Variants in CXCL13 observed in about 807,000 individuals in gnomAD.
The protein encoded by CXCL13 is C-X-C motif chemokine ligand 13.
In CXCL13, 7 loss-of-function variants were observed where a neutral mutation model predicts 12.2. The ratio of observed to expected loss-of-function variants is 0.57; its 90% CI spans 0.33 to 1.07. The LOEUF (loss-of-function observed/expected upper bound fraction) is 1.07, where lower values mean the gene tolerates loss of function less well. Among genes scored for constraint, CXCL13 ranks in the 50% least tolerant of loss-of-function variants. CXCL13 has a pLI of 0.04. For synonymous variants in CXCL13, 47 were observed against 42.4 expected (o/e 1.11, Z -0.42); for missense variants, 113 against 127.4 (o/e 0.89, Z 0.55).
intron 1 of CXCL13, among the ~76,000 whole-genome samples, chr4:77,547,998 G>A (rs1253232899): frequency 2.0e-5 from 3 of 152,034 alleles, no homozygotes; most frequent in Admixed American, 6.6e-5. Context: ...ATGAAGCTTA[G>A]TTTGGCTGGA....
chr4:77,593,325 A>T (rs1726663064), intron 1 of CXCL13, among the ~76,000 whole-genome samples: 1 of 152,246 alleles, frequency 6.6e-6, no homozygotes, highest in African/African-American at 2.4e-5. Context: ...CTTCCAATTT[A>T]TGGTAAGAAG....
chr4:77,529,371 G>A (rs773902459), intron 1 of CXCL13, among the ~76,000 whole-genome samples: 13 of 152,320 alleles, frequency 8.5e-5, no homozygotes, highest in Admixed American at 5.2e-4. Flanking sequence ...ACCTTGGGCA[G>A]AATGGCCATT....
intron 1 of CXCL13, among the ~76,000 whole-genome samples, chr4:77,554,212 G>C (rs1423468564): frequency 6.6e-6 from 1 of 151,928 alleles, no homozygotes; most frequent in African/African-American, 2.4e-5. Flanking sequence ...CAATGCATGA[G>C]TAGTGAGATT....
At chr4:77,538,447 G>A (rs1409034208) in intron 1 of CXCL13, among the ~76,000 whole-genome samples, 2 of 140,740 alleles carry the variant, frequency 1.4e-5, no homozygotes, top group Non-Finnish European at 3.0e-5. Flanking sequence ...TTTTCCTACA[G>A]CTGTGGACTC....
rs562432934 is a variant in CXCL13 at position 77,608,270 on chromosome 4, G to A, written c.197+435G>A. Among the ~76,000 whole-genome samples, 13 of 152,088 alleles carry A rather than the reference G, an allele frequency of 8.5e-5. No individual in the cohort carries two copies. In the South Asian group the frequency reaches 2.3e-3, roughly 27 times the overall value. On this transcript the variant is annotated intron_variant, in intron 2 of 3. Coordinates refer to ENST00000682537, the MANE Select transcript of CXCL13 (RefSeq NM_001371558.1). ...AGCCTGACCAACATGGAGAAACCCC[G>A]TCTCTACTAAAAATACAAAATTAGC...
chr4:77,562,762 C>A (rs555622795), intron 1 of CXCL13, among the ~76,000 whole-genome samples: 2 of 152,210 alleles, frequency 1.3e-5, no homozygotes, highest in East Asian at 3.9e-4. Flanking sequence ...CCGTGTCTAG[C>A]TAATCTAGTG....
intron 1 of CXCL13, among the ~76,000 whole-genome samples, chr4:77,515,735 C>T (rs1457425690): frequency 6.6e-6 from 1 of 152,164 alleles, no homozygotes; most frequent in Non-Finnish European, 1.5e-5. Context: ...TCTAGATATA[C>T]CATCATGTCA....
At chr4:77,524,959 A>G (rs1218037029) in intron 1 of CXCL13, among the ~76,000 whole-genome samples, 1 of 152,256 alleles carries the variant, frequency 6.6e-6, no homozygotes, top group Non-Finnish European at 1.5e-5. Flanking sequence ...GTTTGAATGT[A>G]TATGACAAAA....
At chr4:77,555,700 C>T (rs900134106) in intron 1 of CXCL13, among the ~76,000 whole-genome samples, 7 of 151,858 alleles carry the variant, frequency 4.6e-5, no homozygotes, top group Admixed American at 4.6e-4. Context: ...TAAAACAAGC[C>T]CCAACAGATT....
At chr4:77,545,072 C>A (rs1374786064) in intron 1 of CXCL13, among the ~76,000 whole-genome samples, 3 of 151,958 alleles carry the variant, frequency 2.0e-5, no homozygotes, top group Non-Finnish European at 4.4e-5. Context: ...TGTGGTATTA[C>A]TTCTGAGGGC....
intron 1 of CXCL13, among the ~76,000 whole-genome samples, chr4:77,573,631 AT>A (rs1197128001): frequency 6.6e-6 from 1 of 151,860 alleles, no homozygotes; most frequent in Non-Finnish European, 1.5e-5. Context: ...TTTAAAAAAA[AT>A]TGGCCAATTC....
chr4:77,580,186 C>G (rs925261502), intron 1 of CXCL13, among the ~76,000 whole-genome samples: 1 of 151,808 alleles, frequency 6.6e-6, no homozygotes, highest in Admixed American at 6.6e-5. Flanking sequence ...AAAGCCCTGA[C>G]TTGACTGCCA....
intron 1 of CXCL13, among the ~76,000 whole-genome samples, chr4:77,565,438 C>T (rs930421045): frequency 6.6e-6 from 1 of 152,186 alleles, no homozygotes; most frequent in Non-Finnish European, 1.5e-5. Context: ...TGAATCTTCT[C>T]TATGCCACAG....
At chr4:77,582,127 G>T (rs569411850) in intron 1 of CXCL13, among the ~76,000 whole-genome samples, 6 of 152,292 alleles carry the variant, frequency 3.9e-5, no homozygotes, top group African/African-American at 1.4e-4. Context: ...GTGGAAAGTG[G>T]ATTTTCTCTT....
chr4:77,527,354 T>G (rs1172568064), intron 1 of CXCL13, among the ~76,000 whole-genome samples: 1 of 152,164 alleles, frequency 6.6e-6, no homozygotes, highest in Non-Finnish European at 1.5e-5. Context: ...AACATGCAAC[T>G]GGGCACAGTG....
At chr4:77,518,275 G>C (rs1724479401) in intron 1 of CXCL13, among the ~76,000 whole-genome samples, 1 of 152,120 alleles carries the variant, frequency 6.6e-6, no homozygotes, top group African/African-American at 2.4e-5. Context: ...TCTGTGTCTT[G>C]GAGTTGCTGT....
At chr4:77,603,164 T>A (rs554718650), upstream of CXCL13, among the ~76,000 whole-genome samples, 1 of 152,350 alleles carries the variant, frequency 6.6e-6, no homozygotes, top group African/African-American at 2.4e-5. Flanking sequence ...ATCACTCATT[T>A]TTTTGCTCTC....
intron 1 of CXCL13, 22 bp from the exon 2 acceptor site, chr4:77,607,681 C>G (rs1727026614): frequency 2.5e-6 from 4 of 1,585,854 alleles, no homozygotes; most frequent in Non-Finnish European, 3.4e-6. Context: ...ATTAAAATAA[C>G]TGATTCTGTG....
Position 77,575,087 on chromosome 4 carries a change from G to A in CXCL13, c.-42-30737G>A, listed in dbSNP as rs561531561. Among the ~76,000 whole-genome samples the A allele has an allele frequency of 1.6e-3, 243 of 151,958 alleles. 2 individuals carry two copies. Among genetic ancestry groups the A allele is most frequent in the Non-Finnish European group, 7.1e-4 (48 of 68,004 alleles). Reference sequence around the variant, plus strand: ...TGAACATATTAACTAAATTCAAAAGGTTATTGTATAGTTTTCCTGTAAATT... The same window carrying A: ...TGAACATATTAACTAAATTCAAAAGATTATTGTATAGTTTTCCTGTAAATT... On this transcript the variant is annotated intron_variant, in intron 1 of 4. Transcript: ENST00000286758.
Sources: allele counts gnomAD v4.1 joint callset (sites outside exome capture counted in the v4.1 genomes callset), GRCh38; gene constraint gnomAD v4.1.1; transcripts MANE v1.5; gene names NCBI Gene and HGNC (gene_info 2026-07-23, HGNC 2026-07-21).